Variants in P2RX7 observed in about 807,000 individuals in gnomAD.
P2RX7 encodes purinergic receptor P2X 7.
In P2RX7, 62 loss-of-function variants were observed where a neutral mutation model predicts 71.6. The observed-to-expected ratio is 0.87, with a 90% CI of 0.71 to 1.07. The LOEUF (loss-of-function observed/expected upper bound fraction) is 1.07, where lower values mean the gene tolerates loss of function less well. Among genes scored for constraint, P2RX7 ranks in the 50% least tolerant of loss-of-function variants. The pLI, the probability that P2RX7 is intolerant of heterozygous loss-of-function variation, is 0.00. For synonymous variants in P2RX7, 299 were observed against 283.3 expected (o/e 1.06, Z -0.56); for missense variants, 686 against 748.5 (o/e 0.92, Z 0.97).
At chr12:121,179,735 C>T (rs1194512759) in intron 11 of P2RX7, among the ~76,000 whole-genome samples, 1 of 152,140 alleles carries the variant, frequency 6.6e-6, no homozygotes, top group East Asian at 1.9e-4. Flanking sequence ...TCTGGAGATA[C>T]TGAATCTAGA....
intron 9 of P2RX7, 26 bp downstream of exon 9, chr12:121,175,504 C>A: frequency 1.0e-6 from 1 of 968,946 alleles, no homozygotes; most frequent in Non-Finnish European, 1.7e-6. Flanking sequence ...CAGCTCCGGG[C>A]ACCGGCATCC....
Position 121,156,080 on chromosome 12 carries a change from G to C in P2RX7, c.296G>C (p.Gly99Ala), listed in dbSNP as rs1315256969. 6.2e-7 allele frequency: 1 copy of C among 1,613,744 alleles called. No homozygotes were observed. ...TTCTTAGCCTCTCCTTCTCCACAGG[G>C]GAACTCTTTCTTCGTGATGACAAAC... ...DTADYTFPLQ[G>A]NSFFVMTNFL... The change falls in exon 3 of 13, where the codon GGG becomes GCG. Residue 99 changes from glycine to alanine, a missense_variant and splice_region_variant. Gly to Ala is a moderately conservative substitution (Grantham distance 60). Transcript: ENST00000328963.
Position 121,184,909 on chromosome 12 carries a change from A to C in P2RX7, c.*107A>C. ...AGACCCGCCTGGCTAACAAGGCGAA[A>C]TCCTGTCTGTACTAAAAATACAAAA... On this transcript the variant is annotated 3_prime_UTR_variant, in exon 13 of 13. Coordinates refer to ENST00000328963, the MANE Select transcript of P2RX7 (RefSeq NM_002562.6). The C allele has an allele frequency of 1.2e-6, 1 of 841,622 alleles. No homozygotes were observed. Among genetic ancestry groups the C allele is most frequent in the South Asian group, 1.8e-5 (1 of 54,936 alleles). 52.1% of individuals were successfully genotyped at this position (841,622 alleles called of 1,614,324 possible). A position where few individuals can be genotyped will look rare whatever the true frequency, so the allele number is the denominator to read the frequency against.
At chr12:121,150,932 T>C (rs1402558586) in intron 1 of P2RX7, among the ~76,000 whole-genome samples, 1 of 152,162 alleles carries the variant, frequency 6.6e-6, no homozygotes, top group African/African-American at 2.4e-5. Flanking sequence ...ATAAATGTTA[T>C]AGAAATACTA....
intron 1 of P2RX7, among the ~76,000 whole-genome samples, chr12:121,152,198 C>T (rs1015478592): frequency 1.3e-5 from 2 of 152,230 alleles, no homozygotes; most frequent in South Asian, 2.1e-4. Flanking sequence ...TCATGCTGGT[C>T]CTGAACTCCT....
chr12:121,134,696 G>T (rs1284104742), intron 1 of P2RX7, among the ~76,000 whole-genome samples: 1 of 152,064 alleles, frequency 6.6e-6, no homozygotes, highest in Non-Finnish European at 1.5e-5. Flanking sequence ...CCGGCTGATT[G>T]TCTGTCTTTT....
intron 8 of P2RX7, among the ~76,000 whole-genome samples, chr12:121,172,273 C>T (rs1307121851): frequency 6.6e-6 from 1 of 152,204 alleles, no homozygotes; most frequent in Non-Finnish European, 1.5e-5. Flanking sequence ...AACCAACTCA[C>T]ATAGGGAGAT....
chr12:121,159,706 C>A (rs1000779552), intron 3 of P2RX7, among the ~76,000 whole-genome samples: 4 of 152,174 alleles, frequency 2.6e-5, no homozygotes, highest in Admixed American at 6.5e-5. Context: ...TAAACCAGGG[C>A]AGCTCATTTC....
At chr12:121,158,811 A>G (rs900605723) in intron 3 of P2RX7, among the ~76,000 whole-genome samples, 3 of 152,246 alleles carry the variant, frequency 2.0e-5, no homozygotes, top group Admixed American at 6.5e-5. Flanking sequence ...TCTCCAGTTG[A>G]TAATGAAAAT....
chr12:121,177,378 TGTCA>T lies in P2RX7; in HGVS notation c.1122_1125del (p.Gln375ProfsTer23). 6.2e-7 allele frequency: 1 copy of T among 1,614,028 alleles called. No homozygotes were observed. Among genetic ancestry groups the T allele is most frequent in the Non-Finnish European group, 8.5e-7 (1 of 1,180,034 alleles). On this transcript the variant is annotated frameshift_variant, in exon 11 of 13. Coordinates refer to ENST00000328963, the MANE Select transcript of P2RX7 (RefSeq NM_002562.6). LOFTEE classifies it high-confidence loss of function. Reference sequence around the variant, plus strand: ...CCATATTTATCCCTGGTGCAAGTGCTGTCAGCCCTGTGTGGTCAACGAATACTAC... The same window carrying T: ...CCATATTTATCCCTGGTGCAAGTGCTGCCCTGTGTGGTCAACGAATACTAC...
chr12:121,161,004 A>C, intron 4 of P2RX7, 30 bp downstream of exon 4: 1 of 1,554,014 alleles, frequency 6.4e-7, no homozygotes, highest in Non-Finnish European at 8.9e-7. Context: ...CCGAGACCCT[A>C]GGGGTGGATG....
chr12:121,162,644 G>A, intron 5 of P2RX7, 124 bp downstream of exon 5: 2 of 1,090,960 alleles, frequency 1.8e-6, no homozygotes, highest in Non-Finnish European at 2.6e-6. Context: ...ACCGGCTTGG[G>A]GACCCCTGCG....
At chr12:121,166,289 C>T in intron 7 of P2RX7, 102 bp downstream of exon 7, 6 of 1,269,304 alleles carry the variant, frequency 4.7e-6, no homozygotes, top group East Asian at 2.4e-5. Flanking sequence ...TAATGTGGCT[C>T]ACATTTACTG....
intron 8 of P2RX7, among the ~76,000 whole-genome samples, chr12:121,169,918 C>A (rs1881834126): frequency 1.3e-5 from 2 of 151,976 alleles, no homozygotes; most frequent in Admixed American, 1.3e-4. Flanking sequence ...ACATGGTGGC[C>A]ACTGGCTGGA....
In P2RX7 at chr12:121,186,618, C is replaced by G. The variant is rs939465728; in HGVS notation, c.*1816C>G. On this transcript the variant is annotated 3_prime_UTR_variant, in exon 13 of 13. Transcript: ENST00000328963. ...GGCGTGGTGGCTCACGCCTGTAATC[C>G]CAGCACTTTGGGAGGCTGAGGCGGG... is the stretch of plus-strand genomic sequence containing the variant. 1 of 152,434 alleles carries G rather than the reference C, an allele frequency of 6.6e-6. No individual in the cohort carries two copies. The highest frequency in any genetic ancestry group is 2.4e-5 in the African/African-American group (1 of 41,450). 9.4% of individuals were successfully genotyped at this position (152,434 alleles called of 1,614,324 possible). A position where few individuals can be genotyped will look rare whatever the true frequency, so the allele number is the denominator to read the frequency against.
chr12:121,147,221 T>A (rs113992740), intron 1 of P2RX7, among the ~76,000 whole-genome samples: 203 of 152,326 alleles, frequency 1.3e-3, no homozygotes, highest in African/African-American at 4.5e-3. Context: ...GTGCTGCTAT[T>A]TACCATGTGA....
At chr12:121,182,074 A>AAG (rs999991176) in intron 12 of P2RX7, among the ~76,000 whole-genome samples, 5 of 151,974 alleles carry the variant, frequency 3.3e-5, no homozygotes, top group African/African-American at 1.2e-4. Context: ...AAAAAAAAAA[A>AAG]AAAAAGTCTT....
At chr12:121,174,141 G>A (rs1185663446) in intron 8 of P2RX7, among the ~76,000 whole-genome samples, 1 of 145,470 alleles carries the variant, frequency 6.9e-6, no homozygotes, top group African/African-American at 2.6e-5. Flanking sequence ...TCCATCTCCT[G>A]GGTTCAAGTG....
At chr12:121,181,629 G>A (rs559259953) in intron 12 of P2RX7, among the ~76,000 whole-genome samples, 54 of 152,238 alleles carry the variant, frequency 3.5e-4, no homozygotes, top group African/African-American at 1.2e-3. Flanking sequence ...GCTGAGGCAG[G>A]CAGATCACCT....
Sources: allele counts gnomAD v4.1 joint callset (sites outside exome capture counted in the v4.1 genomes callset), GRCh38; gene constraint gnomAD v4.1.1; transcripts MANE v1.5; gene names NCBI Gene and HGNC (gene_info 2026-07-23, HGNC 2026-07-21).